The following ZNF418 variants were observed in gnomAD, a reference collection of about 807,000 sequenced individuals.
ZNF418 encodes zinc finger protein 418.
ZNF418 carries 32 observed loss-of-function variants against 32.0 expected under a neutral mutation model. That is an observed-to-expected ratio of 1.00 (90% CI 0.75 to 1.34). The LOEUF (loss-of-function observed/expected upper bound fraction) is 1.34, where lower values mean the gene tolerates loss of function less well. ZNF418 is among the 40% of genes most tolerant of loss of function. ZNF418 has a pLI of 0.00. For missense variants in ZNF418, 804 were observed against 812.5 expected, an observed-to-expected ratio of 0.99 and a Z score of 0.13; for synonymous variants, 276 against 270.7, an observed-to-expected ratio of 1.02 and a Z score of -0.19.
At chr19:57,925,045 C>T (rs1429148224) in intron 4 of ZNF418, among the ~76,000 whole-genome samples, 2 of 152,174 alleles carry the variant, frequency 1.3e-5, no homozygotes, top group African/African-American at 2.4e-5. Flanking sequence ...CCAAACCACC[C>T]GAAAGAGTAA....
chr19:57,925,233 G>A lies in ZNF418; in HGVS notation c.*527+390C>T, dbSNP rs1048836746. On this transcript the variant is annotated intron_variant, in intron 4 of 5. Transcript: ENST00000396147. ...CCCAGCATTTTGGGAGGCCAAGGAG[G>A]GCAGATCATGAGGTCAGGAGATCGA... 2.6e-5 allele frequency among the ~76,000 whole-genome samples: 4 copies of A among 152,206 alleles called. No individual in the cohort carries two copies. The East Asian group carries it at 5.8e-4, about 22-fold the overall frequency.
At chr19:57,933,350 C>G (rs906832524) in intron 2 of ZNF418, among the ~76,000 whole-genome samples, 1 of 152,084 alleles carries the variant, frequency 6.6e-6, no homozygotes, top group South Asian at 2.1e-4. Context: ...GAGGCCGAGA[C>G]GGGTAGATCA....
chr19:57,930,989 C>G (rs866851652), intron 2 of ZNF418, among the ~76,000 whole-genome samples: 2 of 151,862 alleles, frequency 1.3e-5, no homozygotes, highest in Non-Finnish European at 2.9e-5. Context: ...CTTGGCCAGG[C>G]TGGTCTTGAA....
intron 1 of ZNF418, 188 bp from the exon 2 acceptor site, chr19:57,934,090 G>T (rs1024077663): frequency 2.1e-5 from 29 of 1,403,776 alleles, no homozygotes; most frequent in Non-Finnish European, 2.6e-5. Flanking sequence ...AGGATTCTGG[G>T]TTTAGGGTTT....
intron 2 of ZNF418, among the ~76,000 whole-genome samples, chr19:57,931,931 C>G (rs761198727): frequency 6.6e-6 from 1 of 152,194 alleles, no homozygotes; most frequent in Non-Finnish European, 1.5e-5. Context: ...GGATTCTCCC[C>G]TTAGGGTTAT....
chr19:57,927,214 A>C lies in ZNF418; in HGVS notation c.967T>G (p.Phe323Val), dbSNP rs770445130. 6.2e-7 allele frequency: 1 copy of C among 1,614,106 alleles called. No individual in the cohort carries two copies. The highest frequency in any genetic ancestry group is 8.5e-7 in the Non-Finnish European group (1 of 1,180,028). The change falls in exon 4 of 6, where the codon TTT (phenylalanine) becomes GTT (valine). Residue 323 changes from phenylalanine (F) to valine (V), a missense_variant. Phe to Val is a conservative substitution (Grantham distance 50). Around this residue, in one of 3 missense-constraint regions of ZNF418, gnomAD observed 475 missense variants for 458.6 expected, o/e 1.04. Transcript: ENST00000396147. Reference sequence around the variant, plus strand: ...TTAATGAGAGTACCATTTTGACTAAAAGATTTCCCACATTCTCCACACTCA... The same window carrying C: ...TTAATGAGAGTACCATTTTGACTAACAGATTTCCCACATTCTCCACACTCA... ...PYECGECGKSFSQNGTLIKHQ... is the reference protein window; with the variant it reads ...PYECGECGKSVSQNGTLIKHQ...
chr19:57,932,942 T>A (rs535834854), intron 2 of ZNF418, among the ~76,000 whole-genome samples: 4 of 152,258 alleles, frequency 2.6e-5, no homozygotes, highest in African/African-American at 9.6e-5. Context: ...TGACAAACCA[T>A]GTTGTCTGAC....
rs181599765 is a variant in ZNF418, at chr19:57,926,205, C to T, written c.1976G>A (p.Ser659Asn). ...TCTCTGATGTCGAAGGAGAGAAGAG[C>T]TTCGATGAAATGATTTTCCACATTC... ...CSECGKSFHR[S>N]SSLLRHQRVH... is the part of the protein sequence containing the mutation. The change falls in exon 4 of 6, where the codon AGC (serine) becomes AAC (asparagine). Residue 659 changes from serine to asparagine, a missense_variant. Physicochemically the swap from Ser to Asn is conservative, Grantham distance 46. Coordinates refer to ENST00000396147, the MANE Select transcript of ZNF418 (RefSeq NM_133460.3). 1.8e-3 allele frequency: 2,884 copies of T among 1,614,086 alleles called. 4 individuals are homozygous for T. Among genetic ancestry groups the T allele is most frequent in the Non-Finnish European group, 2.2e-3 (2,629 of 1,179,934 alleles).
rs1327997256 is a variant in ZNF418 at position 57,922,485 on chromosome 19, C to T, written c.*770G>A. 1 of 397,914 alleles carries T rather than the reference C, an allele frequency of 2.5e-6. No individual in the cohort carries two copies. Among genetic ancestry groups the T allele is most frequent in the Non-Finnish European group, 4.4e-6 (1 of 225,830 alleles). 24.6% of individuals were successfully genotyped at this position (397,914 alleles called of 1,614,324 possible). ...TTTACCCATGACTTCCACGGTGGCT[C>T]TTCTGTAAGGAAATGCTTGAACCCA... On this transcript the variant is annotated 3_prime_UTR_variant, in exon 6 of 6. Transcript: ENST00000396147.
Position 57,926,925 on chromosome 19 carries a change from C to T in ZNF418, c.1256G>A (p.Gly419Asp). The change falls in exon 4 of 6, where the codon GGT becomes GAT. Residue 419 changes from glycine (G) to aspartate (D), a missense_variant. Transcript: ENST00000396147. Reference sequence around the variant, plus strand: ...CTCGTAAGGTCTTTCTCCAGTGTGACCTCGCTGATGGTTCCTAAGGTGTCC... The same window carrying T: ...CTCGTAAGGTCTTTCTCCAGTGTGATCTCGCTGATGGTTCCTAAGGTGTCC... ...RKGHLRNHQR[G>D]HTGERPYECG... The T allele has an allele frequency of 6.2e-7, 1 of 1,608,666 alleles. No homozygotes were observed.
chr19:57,935,161 C>T lies in ZNF418; in HGVS notation c.-81G>A. The T allele has an allele frequency of 1.5e-6, 2 of 1,312,630 alleles. No individual in the cohort carries two copies. The highest frequency in any genetic ancestry group is 1.4e-5 in the South Asian group (1 of 72,562). The allele number at this position is 1,312,630 out of a possible 1,614,324, so 81.3% of individuals were successfully genotyped here. A position where few individuals can be genotyped will look rare whatever the true frequency, so the allele number is the denominator to read the frequency against. Reference sequence around the variant, plus strand: ...CTGAGGGCAGGGAAGGCACAATTACCTGAGCCGGGAGCCTCAGCGCGGCCG... The same window carrying T: ...CTGAGGGCAGGGAAGGCACAATTACTTGAGCCGGGAGCCTCAGCGCGGCCG... On this transcript the variant is annotated splice_region_variant and 5_prime_UTR_variant, in exon 1 of 6. Transcript: ENST00000396147.
At chr19:57,933,301 C>A (rs1194632645) in intron 2 of ZNF418, among the ~76,000 whole-genome samples, 1 of 152,204 alleles carries the variant, frequency 6.6e-6, no homozygotes, top group Non-Finnish European at 1.5e-5. Flanking sequence ...AGTTACCGAC[C>A]GGGCTTGGTG....
chr19:57,934,004 GTAGT>G (rs2072591168), intron 1 of ZNF418, 102 bp from the exon 2 acceptor site: 1 of 1,526,862 alleles, frequency 6.5e-7, no homozygotes, highest in African/African-American at 1.4e-5. Context: ...TACCAACTCT[GTAGT>G]TAACCTTCAA....
At chr19:57,924,882 G>T (rs939064370) in intron 4 of ZNF418, among the ~76,000 whole-genome samples, 1 of 152,110 alleles carries the variant, frequency 6.6e-6, no homozygotes, top group Admixed American at 6.6e-5. Flanking sequence ...CAAAGTTCTG[G>T]AGTCTTTGGA....
rs756201271 is a variant in ZNF418, at chr19:57,927,029, G to C, written c.1152C>G (p.Thr384=). ...ECGKCFSQKG[T]LTEHHRVHTR... ...TGTGAACTCGATGATGTTCAGTTAG[G>C]GTGCCCTTTTGACTAAAACATTTTC... The change falls in exon 4 of 6, where the codon ACC becomes ACG. Residue 384 remains threonine, a synonymous_variant. Transcript: ENST00000396147. The C allele has an allele frequency of 6.2e-7, 1 of 1,613,708 alleles. No homozygotes were observed. The highest frequency in any genetic ancestry group is 8.5e-7 in the Non-Finnish European group (1 of 1,179,986).
intron 2 of ZNF418, among the ~76,000 whole-genome samples, chr19:57,931,092 T>C (rs1359770673): frequency 6.6e-6 from 1 of 151,996 alleles, no homozygotes; most frequent in Non-Finnish European, 1.5e-5. Context: ...ACTCTTAACA[T>C]AAAAGGGTCC....
chr19:57,934,226 T>C (rs1330969716), intron 1 of ZNF418: 1 of 1,057,110 alleles, frequency 9.5e-7, no homozygotes, highest in South Asian at 3.7e-5. Context: ...TAATTCCCTC[T>C]GTGGGTTCCT....
chr19:57,928,756 G>A (rs2072354804), intron 3 of ZNF418, among the ~76,000 whole-genome samples: 3 of 152,044 alleles, frequency 2.0e-5, no homozygotes, highest in Admixed American at 2.0e-4. Flanking sequence ...CACTTTGGGA[G>A]GCCAAGGTGG....
At chr19:57,930,247 T>TC (rs1454239744) in intron 3 of ZNF418, among the ~76,000 whole-genome samples, 181 bp downstream of exon 3, 1 of 152,120 alleles carries the variant, frequency 6.6e-6, no homozygotes, top group East Asian at 1.9e-4. Flanking sequence ...GTATTGGGAC[T>TC]GCTCAAGGAG....
Sources: allele counts gnomAD v4.1 joint callset (sites outside exome capture counted in the v4.1 genomes callset), GRCh38; gene constraint gnomAD v4.1.1; regional missense constraint gnomAD v4.1.1; transcripts MANE v1.5; gene names NCBI Gene and HGNC (gene_info 2026-07-23, HGNC 2026-07-21).